Variants in KCNQ5 observed in about 807,000 individuals in gnomAD.
KCNQ5 encodes the protein potassium voltage-gated channel subfamily Q member 5, also known as potassium voltage-gated channel subfamily KQT member 5.
A neutral mutation model predicts 98.2 loss-of-function variants in KCNQ5; 30 were observed. The observed-to-expected ratio is 0.31, with a 90% CI of 0.23 to 0.41. KCNQ5 has a LOEUF of 0.41. Ranked by LOEUF, KCNQ5 falls within the 10% of genes least tolerant of loss-of-function variation. The probability of loss-of-function intolerance (pLI) is 1.00; values close to 1 mark genes in which losing one functional copy is unlikely to be tolerated. For missense variants in KCNQ5, 835 were observed against 1,182.5 expected (o/e 0.71, Z 4.31); for synonymous variants, 458 against 449.4 (o/e 1.02, Z -0.24).
Position 72,941,383 on chromosome 6 carries a change from C to T in KCNQ5, c.399-62525C>T, listed in dbSNP as rs1431709800. 5.3e-5 allele frequency among the ~76,000 whole-genome samples: 4 copies of T among 75,100 alleles called. No individual in the cohort carries two copies. In the Admixed American group the frequency reaches 6.3e-4, roughly 12 times the overall value. The allele number at this position is 75,100 out of a possible 152,430, so 49.3% of individuals were successfully genotyped here. On this transcript the variant is annotated intron_variant, in intron 1 of 13. Coordinates refer to ENST00000370398, the MANE Select transcript of KCNQ5 (RefSeq NM_019842.4). ...TTTCTTCCTTCCTTCTTTCCTCCTT[C>T]CTTCCTTCCTCCTTTCCTCCTTCCC...
intron 1 of KCNQ5, among the ~76,000 whole-genome samples, chr6:72,978,930 T>C (rs1288709785): frequency 6.6e-6 from 1 of 152,226 alleles, no homozygotes; most frequent in African/African-American, 2.4e-5. Flanking sequence ...ATGCAGTGTT[T>C]GGTTTTCTGT....
intron 1 of KCNQ5, among the ~76,000 whole-genome samples, chr6:72,880,415 G>A (rs1778593018): frequency 1.3e-5 from 2 of 152,108 alleles, no homozygotes; most frequent in Admixed American, 1.3e-4. Context: ...CATTCATGAG[G>A]CTTGACCTCC....
At chr6:72,832,939 G>T (rs943633354) in intron 1 of KCNQ5, among the ~76,000 whole-genome samples, 3 of 152,146 alleles carry the variant, frequency 2.0e-5, no homozygotes, top group African/African-American at 7.2e-5. Context: ...GAGCAGCCCA[G>T]GTCTGCCTTT....
At chr6:73,126,278 A>G (rs1443471880) in intron 9 of KCNQ5, among the ~76,000 whole-genome samples, 1 of 152,194 alleles carries the variant, frequency 6.6e-6, no homozygotes, top group Non-Finnish European at 1.5e-5. Context: ...TTCATCCTCC[A>G]AAACGGAGCT....
chr6:72,697,772 T>G (rs1396021730), intron 1 of KCNQ5, among the ~76,000 whole-genome samples: 3 of 152,218 alleles, frequency 2.0e-5, no homozygotes, highest in Non-Finnish European at 4.4e-5. Flanking sequence ...TTTTTCAGCT[T>G]TATTGAGGTG....
At chr6:73,157,313 G>A (rs1156831095) in intron 10 of KCNQ5, among the ~76,000 whole-genome samples, 1 of 152,178 alleles carries the variant, frequency 6.6e-6, no homozygotes, top group Non-Finnish European at 1.5e-5. Flanking sequence ...AGAAAGGCTT[G>A]AGTGTGCAGA....
chr6:73,075,369 C>G (rs900404940), intron 3 of KCNQ5, among the ~76,000 whole-genome samples: 1 of 151,872 alleles, frequency 6.6e-6, no homozygotes, highest in Non-Finnish European at 1.5e-5. Context: ...ATTACAGGCA[C>G]GTGCCACCAC....
intron 1 of KCNQ5, among the ~76,000 whole-genome samples, chr6:72,867,614 C>T (rs1778039631): frequency 1.3e-5 from 2 of 152,020 alleles, no homozygotes; most frequent in Non-Finnish European, 2.9e-5. Flanking sequence ...AAAGAAATTG[C>T]AGAGGTAATA....
chr6:73,005,279 T>A (rs1366115960), intron 2 of KCNQ5, among the ~76,000 whole-genome samples: 1 of 152,234 alleles, frequency 6.6e-6, no homozygotes, highest in Non-Finnish European at 1.5e-5. Flanking sequence ...TAACCTTGTC[T>A]GCCCTTTTGA....
At chr6:73,066,411 G>T (rs763326169) in intron 3 of KCNQ5, among the ~76,000 whole-genome samples, 15 of 152,040 alleles carry the variant, frequency 9.9e-5, no homozygotes, top group Non-Finnish European at 1.8e-4. Context: ...GAGAACATAA[G>T]CTCCATGAGG....
intron 3 of KCNQ5, among the ~76,000 whole-genome samples, chr6:73,067,185 T>G (rs1173646909): frequency 1.3e-5 from 2 of 152,078 alleles, no homozygotes; most frequent in African/African-American, 4.8e-5. Flanking sequence ...AGGCTTTCTA[T>G]GACATAAAAG....
At chr6:73,153,613 TG>T (rs1363638076) in intron 10 of KCNQ5, among the ~76,000 whole-genome samples, 5 of 152,096 alleles carry the variant, frequency 3.3e-5, no homozygotes, top group Non-Finnish European at 7.4e-5. Flanking sequence ...CCCATAGAGC[TG>T]AGAGAGTTTT....
intron 10 of KCNQ5, among the ~76,000 whole-genome samples, chr6:73,163,519 G>A (rs75118351): frequency 0.02 from 3,023 of 152,304 alleles, 153 homozygotes; most frequent in Admixed American, 0.11. Flanking sequence ...GGTCGAGGCC[G>A]GTGGATCACC....
chr6:73,135,715 C>T (rs1018452495), intron 10 of KCNQ5: 1 of 152,184 alleles, frequency 6.6e-6, no homozygotes, highest in Non-Finnish European at 1.5e-5. Flanking sequence ...TATTAGTTTG[C>T]TCAAGCTGCT....
intron 1 of KCNQ5, among the ~76,000 whole-genome samples, chr6:72,974,752 T>C (rs1768076689): frequency 1.3e-5 from 2 of 152,142 alleles, no homozygotes; most frequent in Admixed American, 1.3e-4. Flanking sequence ...TACTTTTTTT[T>C]TTTTTTAGAT....
At position 73,112,522 on chromosome 6, in the gene KCNQ5, T is replaced by C. The variant is rs530567293; in HGVS notation, c.1125+1119T>C. 1.7e-3 allele frequency among the ~76,000 whole-genome samples: 263 copies of C among 152,260 alleles called. 1 individual carries two copies. Among genetic ancestry groups the C allele is most frequent in the African/African-American group, 5.9e-3 (244 of 41,546 alleles). ...CACCGCGCCCGGCTAATTTTTTGTA[T>C]TTTTAGTAGAGACAGGGTTTCACCG... On this transcript the variant is annotated intron_variant, in intron 7 of 13. Coordinates refer to ENST00000370398, the MANE Select transcript of KCNQ5 (RefSeq NM_019842.4).
At chr6:72,757,501 CTTAACA>C (rs1273027838) in intron 1 of KCNQ5, among the ~76,000 whole-genome samples, 1 of 152,140 alleles carries the variant, frequency 6.6e-6, no homozygotes, top group African/African-American at 2.4e-5. Flanking sequence ...TGCTCAGACA[CTTAACA>C]TTAACCTACA....
chr6:72,809,366 C>G (rs1775122751), intron 1 of KCNQ5, among the ~76,000 whole-genome samples: 1 of 151,684 alleles, frequency 6.6e-6, no homozygotes, highest in African/African-American at 2.4e-5. Context: ...ACAATGTGCA[C>G]ATGTACCCTA....
chr6:72,912,713 T>G (rs891240720), intron 1 of KCNQ5, among the ~76,000 whole-genome samples: 1 of 152,226 alleles, frequency 6.6e-6, no homozygotes, highest in Admixed American at 6.5e-5. Context: ...ATAAAAGGAA[T>G]GAATCTTCAT....
Sources: allele counts gnomAD v4.1 joint callset (sites outside exome capture counted in the v4.1 genomes callset), GRCh38; gene constraint gnomAD v4.1.1; transcripts MANE v1.5; gene names NCBI Gene and HGNC (gene_info 2026-07-23, HGNC 2026-07-21).